Variants in OLFM3 observed in about 807,000 individuals in gnomAD.
The protein encoded by OLFM3 is olfactomedin 3.
Under a neutral mutation model 48.6 loss-of-function variants are expected in OLFM3, and 20 were observed. That is an observed-to-expected ratio of 0.41 (90% CI 0.29 to 0.60). OLFM3 has a LOEUF of 0.60. OLFM3 is among the 20% of genes least tolerant of loss of function. The pLI is 0.28. For synonymous variants in OLFM3, 222 were observed against 198.1 expected, an observed-to-expected ratio of 1.12 and a Z score of -1.01; for missense variants, 437 against 544.3, an observed-to-expected ratio of 0.80 and a Z score of 1.96.
intron 1 of OLFM3, among the ~76,000 whole-genome samples, chr1:101,978,425 A>C (rs1027403936): frequency 9.9e-5 from 15 of 152,172 alleles, no homozygotes; most frequent in African/African-American, 3.6e-4. Context: ...ATGTTTATTT[A>C]ATTGATAGGA....
chr1:101,809,595 C>G (rs567911644), intron 4 of OLFM3, among the ~76,000 whole-genome samples: 6 of 151,816 alleles, frequency 4.0e-5, no homozygotes, highest in Non-Finnish European at 8.8e-5. Context: ...ATAGTGACTT[C>G]CTGTCCCAGA....
At chr1:101,918,563 C>CTTTTTTTT (rs55766537) in intron 1 of OLFM3, among the ~76,000 whole-genome samples, 1 of 142,744 alleles carries the variant, frequency 7.0e-6, no homozygotes, top group Non-Finnish European at 1.5e-5. Flanking sequence ...CTCCTTCCTC[C>CTTTTTTTT]TTTTTTTTTT....
chr1:101,934,089 A>G (rs963926252), intron 1 of OLFM3, among the ~76,000 whole-genome samples: 1 of 151,822 alleles, frequency 6.6e-6, no homozygotes, highest in Non-Finnish European at 1.5e-5. Context: ...TAAAAACATA[A>G]TGTCAGGATC....
At chr1:101,815,372 G>A (rs1191585596) in intron 4 of OLFM3, among the ~76,000 whole-genome samples, 1 of 151,532 alleles carries the variant, frequency 6.6e-6, no homozygotes, top group Non-Finnish European at 1.5e-5. Context: ...GCATGAACCC[G>A]GGAGGTGGAA....
In OLFM3 at chr1:101,824,767, A is replaced by G. The variant is rs527282026; in HGVS notation, c.592+259T>C. Among the ~76,000 whole-genome samples the G allele has an allele frequency of 2.2e-3, 333 of 152,296 alleles. 1 individual carries two copies. The highest frequency in any genetic ancestry group is 7.8e-3 in the African/African-American group (324 of 41,564). On this transcript the variant is annotated intron_variant, in intron 4 of 5. Coordinates refer to ENST00000370103, the MANE Select transcript of OLFM3 (RefSeq NM_058170.4). ...AAATGTATATCCACTAGTGTAGTCC[A>G]TAGAGTTGACTGTATTTGCCAGATT...
intron 1 of OLFM3, among the ~76,000 whole-genome samples, chr1:101,898,221 A>C (rs1168159341): frequency 1.3e-5 from 2 of 152,094 alleles, no homozygotes; most frequent in African/African-American, 2.4e-5. Flanking sequence ...AGCAATCATT[A>C]TATAGAATAT....
At chr1:101,961,310 C>T (rs1408871656) in intron 1 of OLFM3, among the ~76,000 whole-genome samples, 1 of 151,798 alleles carries the variant, frequency 6.6e-6, no homozygotes, top group Non-Finnish European at 1.5e-5. Context: ...GTTCAGTAAA[C>T]AAGATGATCA....
chr1:101,903,496 CAGAT>C (rs1461474174), intron 1 of OLFM3, among the ~76,000 whole-genome samples: 3 of 151,986 alleles, frequency 2.0e-5, no homozygotes, highest in Non-Finnish European at 4.4e-5. Flanking sequence ...ACTGAAGCCA[CAGAT>C]AGGCAGAAAT....
chr1:101,822,882 A>G (rs1654675949), intron 4 of OLFM3, among the ~76,000 whole-genome samples: 1 of 150,174 alleles, frequency 6.7e-6, no homozygotes, highest in Non-Finnish European at 1.5e-5. Flanking sequence ...CAGAGCATGT[A>G]AAATAATTAT....
chr1:101,876,794 G>A (rs778580237), intron 1 of OLFM3, among the ~76,000 whole-genome samples: 20 of 151,746 alleles, frequency 1.3e-4, no homozygotes, highest in Non-Finnish European at 2.1e-4. Context: ...GTTTTTCCAG[G>A]GTTTTAGTAT....
chr1:101,813,095 G>A, intron 4 of OLFM3: 1 of 1,289,524 alleles, frequency 7.8e-7, no homozygotes, highest in Non-Finnish European at 1.0e-6. Context: ...TATTGCTTAT[G>A]CTTCTCCTTT....
intron 1 of OLFM3, among the ~76,000 whole-genome samples, chr1:101,996,374 G>A (rs762671629): frequency 1.3e-5 from 2 of 152,178 alleles, no homozygotes; most frequent in Non-Finnish European, 2.9e-5. Context: ...GGTTCACCAT[G>A]TCCTAATACA....
At chr1:101,976,198 A>AT (rs1233302110) in intron 1 of OLFM3, among the ~76,000 whole-genome samples, 1 of 152,116 alleles carries the variant, frequency 6.6e-6, no homozygotes, top group Non-Finnish European at 1.5e-5. Flanking sequence ...TGATTAAATA[A>AT]TTTTTTTTGA....
intron 1 of OLFM3, among the ~76,000 whole-genome samples, chr1:101,883,390 A>G (rs942018776): frequency 1.3e-5 from 2 of 151,516 alleles, no homozygotes; most frequent in African/African-American, 4.8e-5. Flanking sequence ...AAATGTAGAA[A>G]TTCAGATTTC....
At chr1:101,878,317 G>A (rs963365277) in intron 1 of OLFM3, among the ~76,000 whole-genome samples, 1 of 151,988 alleles carries the variant, frequency 6.6e-6, no homozygotes, top group South Asian at 2.1e-4. Flanking sequence ...CAGCACACCT[G>A]AATTAACTTC....
chr1:101,882,588 CG>C (rs1326049112), intron 1 of OLFM3: 3 of 151,544 alleles, frequency 2.0e-5, no homozygotes, highest in Non-Finnish European at 4.4e-5. Context: ...CTTTTTCTAC[CG>C]GGACAACACT....
rs148853226 is a variant in OLFM3 at position 101,938,570 on chromosome 1, T to C, written c.69+58178A>G. Reference sequence around the variant, plus strand: ...TTCCCACCAAGATCATTAGCACAAATGTCTCTTAAAGTTATGCACATCATA... The same window carrying C: ...TTCCCACCAAGATCATTAGCACAAACGTCTCTTAAAGTTATGCACATCATA... On this transcript the variant is annotated intron_variant, in intron 1 of 5. Transcript: ENST00000370103. Among the ~76,000 whole-genome samples the C allele has an allele frequency of 5.9e-5, 9 of 152,326 alleles. No homozygotes were observed. The East Asian group carries it at 1.5e-3, about 26-fold the overall frequency.
At chr1:101,929,767 C>T (rs1659390785) in intron 1 of OLFM3, among the ~76,000 whole-genome samples, 1 of 151,886 alleles carries the variant, frequency 6.6e-6, no homozygotes, top group East Asian at 1.9e-4. Context: ...AGAATTTTTC[C>T]AAGTCTTTTG....
intron 1 of OLFM3, among the ~76,000 whole-genome samples, chr1:101,841,127 G>C (rs1277488423): frequency 6.6e-6 from 1 of 152,114 alleles, no homozygotes. Flanking sequence ...ATAGTTCTAA[G>C]GCTTCAGGGG....
Sources: allele counts gnomAD v4.1 joint callset (sites outside exome capture counted in the v4.1 genomes callset), GRCh38; gene constraint gnomAD v4.1.1; transcripts MANE v1.5; gene names NCBI Gene and HGNC (gene_info 2026-07-23, HGNC 2026-07-21).